The following PLXNB2 variants were observed in gnomAD, a reference collection of about 807,000 sequenced individuals.
The protein encoded by PLXNB2 is plexin B2.
Under a neutral mutation model 202.6 loss-of-function variants are expected in PLXNB2, and 85 were observed. The observed-to-expected ratio is 0.42, with a 90% CI of 0.35 to 0.50. The LOEUF (loss-of-function observed/expected upper bound fraction) is 0.50. Among genes scored for constraint, PLXNB2 ranks in the 20% least tolerant of loss-of-function variants. PLXNB2 has a pLI of 0.02. For missense variants in PLXNB2, 2,063 were observed against 2,586.2 expected, an observed-to-expected ratio of 0.80 and a Z score of 4.39; for synonymous variants, 1,239 against 1,137.6, an observed-to-expected ratio of 1.09 and a Z score of -1.79.
chr22:50,275,696 A>G lies in PLXNB2; in HGVS notation c.*8T>C. 6.4e-7 allele frequency: 1 copy of G among 1,570,858 alleles called. No homozygotes were observed. The highest frequency in any genetic ancestry group is 8.7e-7 in the Non-Finnish European group (1 of 1,150,310). Reference sequence around the variant, plus strand: ...CCTATGTCCCAAGGCAGCACTGGAGATTGTAGGTCAGAGGTCAGTGACCTT... The same window carrying G: ...CCTATGTCCCAAGGCAGCACTGGAGGTTGTAGGTCAGAGGTCAGTGACCTT... On this transcript the variant is annotated 3_prime_UTR_variant, in exon 37 of 37. Coordinates refer to ENST00000359337, the MANE Select transcript of PLXNB2 (RefSeq NM_012401.4).
chr22:50,306,803 G>A (rs111424747), intron 1 of PLXNB2, among the ~76,000 whole-genome samples: 5,710 of 152,282 alleles, frequency 0.037, 389 homozygotes, highest in African/African-American at 0.13. Context: ...AGGGAGCTTC[G>A]GGAAGAGAAA....
In PLXNB2 at chr22:50,289,104, C is replaced by G. The variant is rs772181387; in HGVS notation, c.1107G>C (p.Leu369=). 1.9e-6 allele frequency: 3 copies of G among 1,588,340 alleles called. No homozygotes were observed. The highest frequency in any genetic ancestry group is 2.6e-6 in the Non-Finnish European group (3 of 1,167,808). ...SKSFPCGSEH[L]PYPLGSRDGL... ...CGTCGCGGCTGCCCAGCGGGTAGGG[C>G]AGGTGCTCCGAGCCACATGGGAAGC... The change falls in exon 4 of 37, where the codon CTG becomes CTC. Residue 369 remains leucine (L), a synonymous_variant. Transcript: ENST00000359337. The surrounding 1 kb of genome is among the most constrained non-coding windows in gnomAD (Gnocchi z 8.0).
At chr22:50,279,346 C>T (rs1171851132) in intron 27 of PLXNB2, among the ~76,000 whole-genome samples, 1 of 152,244 alleles carries the variant, frequency 6.6e-6, no homozygotes, top group African/African-American at 2.4e-5. Context: ...CATGTATGCA[C>T]AGAACCCTGG....
At position 50,288,090 on chromosome 22, in the gene PLXNB2, C is replaced by T. The variant is rs1383223229; in HGVS notation, c.1381-53G>A. Reference sequence around the variant, plus strand: ...CACAGCAGAGGCCGCACGGGCCTTCCGCAGACCCCAGATGTCCCCAGACCG... The same window carrying T: ...CACAGCAGAGGCCGCACGGGCCTTCTGCAGACCCCAGATGTCCCCAGACCG... On this transcript the variant is annotated intron_variant, in intron 5 of 36. Coordinates refer to ENST00000359337, the MANE Select transcript of PLXNB2 (RefSeq NM_012401.4). The surrounding 1 kb of genome is among the most constrained non-coding windows in gnomAD (Gnocchi z 5.0). 12 of 1,387,030 alleles carry T rather than the reference C, an allele frequency of 8.7e-6. No individual in the cohort carries two copies. The highest frequency in any genetic ancestry group is 7.5e-5 in the South Asian group (6 of 80,464). 85.9% of individuals were successfully genotyped at this position (1,387,030 alleles called of 1,614,324 possible). A position where few individuals can be genotyped will look rare whatever the true frequency, so the allele number is the denominator to read the frequency against.
At chr22:50,298,912 C>T (rs2067470593) in intron 1 of PLXNB2, among the ~76,000 whole-genome samples, 1 of 152,256 alleles carries the variant, frequency 6.6e-6, no homozygotes, top group Admixed American at 6.5e-5. Context: ...TCCCAAAGTG[C>T]TGGAATTACA....
chr22:50,278,737 G>C (rs780253354), intron 28 of PLXNB2, 41 bp from the exon 29 acceptor site: 2 of 1,590,144 alleles, frequency 1.3e-6, no homozygotes, highest in South Asian at 2.2e-5. Flanking sequence ...CAGCCACCCA[G>C]GTTCCTCCCA....
rs760346077 is a variant in PLXNB2 at position 50,284,227 on chromosome 22, AG to A, written c.2182-15del. Reference sequence around the variant, plus strand: ...ATCGTGGGACAGCTGGGGGACACGCAGGGGCACACTGCACTTCCTGCCCCCA... The same window carrying A: ...ATCGTGGGACAGCTGGGGGACACGCAGGGCACACTGCACTTCCTGCCCCCA... On this transcript the variant is annotated splice_polypyrimidine_tract_variant and intron_variant, in intron 12 of 36. Coordinates refer to ENST00000359337, the MANE Select transcript of PLXNB2 (RefSeq NM_012401.4). This position sits in a 1 kb window ranked among gnomAD's most constrained non-coding sequence, Gnocchi z 8.0. The A allele has an allele frequency of 2.4e-5, 39 of 1,611,042 alleles. No individual in the cohort carries two copies. The highest frequency in any genetic ancestry group is 8.5e-7 in the Non-Finnish European group (1 of 1,178,404).
chr22:50,286,806 G>A (rs770147024), intron 8 of PLXNB2, among the ~76,000 whole-genome samples: 46 of 152,308 alleles, frequency 3.0e-4, no homozygotes, highest in Non-Finnish European at 5.7e-4. Flanking sequence ...GGCGTCTGCC[G>A]AGACGACGGG....
intron 2 of PLXNB2, among the ~76,000 whole-genome samples, chr22:50,292,652 CG>C (rs1985667181): frequency 6.6e-6 from 1 of 152,022 alleles, no homozygotes; most frequent in Non-Finnish European, 1.5e-5. Context: ...TCTGCTGCTC[CG>C]TAGCCAGGGG....
Position 50,297,655 on chromosome 22 carries a change from G to A in PLXNB2, c.-73-2877C>T, listed in dbSNP as rs2147658727. Among the ~76,000 whole-genome samples the A allele has an allele frequency of 6.6e-6, 1 of 152,280 alleles. No homozygotes were observed. Among genetic ancestry groups the A allele is most frequent in the South Asian group, 2.1e-4 (1 of 4,824 alleles). On this transcript the variant is annotated intron_variant, in intron 1 of 36. Coordinates refer to ENST00000359337, the MANE Select transcript of PLXNB2 (RefSeq NM_012401.4). This position sits in a 1 kb window ranked among gnomAD's most constrained non-coding sequence, Gnocchi z 5.3. ...TCCCGCTTAGCTACCCCAGAAAAAGGAGTTTCTTCCTTAGGTGGCTGTGGT... is the reference window on the plus strand; with the variant it reads ...TCCCGCTTAGCTACCCCAGAAAAAGAAGTTTCTTCCTTAGGTGGCTGTGGT...
rs369429184 is a variant in PLXNB2 at position 50,288,912 on chromosome 22, T to G, written c.1252-41A>C. On this transcript the variant is annotated intron_variant, in intron 4 of 36. Coordinates refer to ENST00000359337, the MANE Select transcript of PLXNB2 (RefSeq NM_012401.4). The surrounding 1 kb of genome is among the most constrained non-coding windows in gnomAD (Gnocchi z 5.0). ...CAGGCCGGTGAGGGTACGGGCCTTG[T>G]GCACAGACGGGCCCTCCAGAGCCTC... is the stretch of plus-strand genomic sequence containing the variant. The G allele has an allele frequency of 2.5e-6, 4 of 1,610,356 alleles. No homozygotes were observed. The highest frequency in any genetic ancestry group is 2.5e-6 in the Non-Finnish European group (3 of 1,177,864).
Position 50,288,976 on chromosome 22 carries a change from T to G in PLXNB2, c.1235A>C (p.Asp412Ala). The G allele has an allele frequency of 6.2e-7, 1 of 1,606,984 alleles. No homozygotes were observed. The highest frequency in any genetic ancestry group is 8.5e-7 in the Non-Finnish European group (1 of 1,175,646). Residue 412 changes from aspartate (D) to alanine (A), a missense_variant, in exon 4 of 37, where the codon GAT becomes GCT. This residue lies in a region of PLXNB2 where 1,303 missense variants were observed against 1,476.8 expected (regional missense o/e 0.88). Transcript: ENST00000359337. The surrounding 1 kb of genome is among the most constrained non-coding windows in gnomAD (Gnocchi z 5.0). ...GGGCCAAACCTTGAGGATCCGGCCA[T>G]CAGAGGTGCCCAGAAAAGCAACAGT... ...NHTVAFLGTS[D>A]GRILKVYLTP...
intron 1 of PLXNB2, chr22:50,301,345 A>G (rs2067669003): frequency 3.1e-6 from 3 of 973,212 alleles, no homozygotes; most frequent in South Asian, 9.5e-5. Context: ...CAATGAACCT[A>G]CCGATGTCTC....
intron 1 of PLXNB2, 56 bp downstream of exon 1, chr22:50,307,497 G>GC (rs561318339): frequency 0.038 from 33,634 of 894,144 alleles, 2,007 homozygotes; most frequent in African/African-American, 0.25. Flanking sequence ...TGACGGCGAA[G>GC]CCCCCCCCAC....
At chr22:50,307,010 C>T (rs1268411807) in intron 1 of PLXNB2, among the ~76,000 whole-genome samples, 3 of 152,110 alleles carry the variant, frequency 2.0e-5, no homozygotes, top group Non-Finnish European at 2.9e-5. Flanking sequence ...CTGAGACTTT[C>T]TGTGTCTCGG....
Position 50,287,122 on chromosome 22 carries a change from G to T in PLXNB2, c.1751C>A (p.Pro584Gln). 1.3e-6 allele frequency: 2 copies of T among 1,523,896 alleles called. No homozygotes were observed. The highest frequency in any genetic ancestry group is 1.2e-5 in the South Asian group (1 of 80,858). The allele number at this position is 1,523,896 out of a possible 1,614,324, so 94.4% of individuals were successfully genotyped here. ...GGAAGGGGCCTCACCCTGGCCTGGC[G>T]GTGTGACGGGGATGCTGCTTGGGGA... ...CNSPSSIPVTPPGQDHVAVTI... is the reference protein window; with the variant it reads ...CNSPSSIPVTQPGQDHVAVTI... The change falls in exon 8 of 37, where the codon CCG becomes CAG. Residue 584 changes from proline (P) to glutamine (Q), a missense_variant. Coordinates refer to ENST00000359337, the MANE Select transcript of PLXNB2 (RefSeq NM_012401.4).
At chr22:50,292,061 G>A (rs1028487428) in intron 2 of PLXNB2, among the ~76,000 whole-genome samples, 3 of 152,226 alleles carry the variant, frequency 2.0e-5, no homozygotes, top group African/African-American at 7.2e-5. Context: ...AGTTTTGCCA[G>A]GCCCGGTGGC....
chr22:50,297,940 C>T lies in PLXNB2; in HGVS notation c.-73-3162G>A, dbSNP rs2067392218. 6.6e-6 allele frequency among the ~76,000 whole-genome samples: 1 copy of T among 152,216 alleles called. No individual in the cohort carries two copies. Among genetic ancestry groups the T allele is most frequent in the Admixed American group, 6.5e-5 (1 of 15,286 alleles). On this transcript the variant is annotated intron_variant, in intron 1 of 36. Coordinates refer to ENST00000359337, the MANE Select transcript of PLXNB2 (RefSeq NM_012401.4). The surrounding 1 kb of genome is among the most constrained non-coding windows in gnomAD (Gnocchi z 5.3). ...ACGCTGCCTCACGACATTCCCACGT[C>T]CATGTTCACTGTGCTCCCTGGAAAG...
chr22:50,287,680 C>A lies in PLXNB2; in HGVS notation c.1595G>T (p.Arg532Leu). The A allele has an allele frequency of 6.5e-7, 1 of 1,545,154 alleles. No individual in the cohort carries two copies. Among genetic ancestry groups the A allele is most frequent in the Non-Finnish European group, 8.7e-7 (1 of 1,149,672 alleles). Residue 532 changes from arginine to leucine, a missense_variant, in exon 7 of 37, where the codon CGG becomes CTG. By Grantham distance (102) the Arg-to-Leu change is moderately radical (BLOSUM62 -2). Around this residue, in one of 2 missense-constraint regions of PLXNB2, gnomAD observed 1,303 missense variants for 1,476.8 expected, o/e 0.88. Coordinates refer to ENST00000359337, the MANE Select transcript of PLXNB2 (RefSeq NM_012401.4). ...CCCACCACGCACCTCCCCCTGGGCCCGCCGGCTCATGTTCTGTGGCTGGGC... is the reference window on the plus strand; with the variant it reads ...CCCACCACGCACCTCCCCCTGGGCCAGCCGGCTCATGTTCTGTGGCTGGGC... ...TSAQPQNMSR[R>L]AQGEVQLTVS...
Sources: gnomAD v4.1 joint callset for allele counts (sites outside exome capture counted in the v4.1 genomes callset) on GRCh38, gnomAD v4.1.1 for gene constraint, gnomAD v4.1.1 regional missense constraint, Gnocchi (gnomAD v3.1) non-coding constraint, MANE v1.5 for transcripts, NCBI Gene and HGNC (gene_info 2026-07-23, HGNC 2026-07-21) for gene names.